The following ZFPM1 variants were observed in gnomAD, a reference collection of about 807,000 sequenced individuals.
ZFPM1 encodes the protein zinc finger protein ZFPM1.
In ZFPM1, 28 loss-of-function variants were observed where a neutral mutation model predicts 46.3. The observed-to-expected ratio is 0.60, with a 90% CI of 0.45 to 0.83. The LOEUF (loss-of-function observed/expected upper bound fraction) is 0.83. ZFPM1 is among the 40% of genes least tolerant of loss of function. The probability of loss-of-function intolerance (pLI) is 0.00; values close to 1 mark genes in which losing one functional copy is unlikely to be tolerated. For missense variants in ZFPM1, 1,878 were observed against 1,432.4 expected, an observed-to-expected ratio of 1.31 and a Z score of -5.02; for synonymous variants, 957 against 675.9, an observed-to-expected ratio of 1.42 and a Z score of -6.45.
rs182556356 is a variant in ZFPM1 at position 88,511,182 on chromosome 16, G to A, written c.269-3205G>A. ...GCCCGCCCTCAGAGCTGTCGGTGCC[G>A]GTGGGGGTGTCTGGCCACTGCCTGT... On this transcript the variant is annotated intron_variant, in intron 3 of 9. Transcript: ENST00000319555. Among the ~76,000 whole-genome samples, 1,083 of 152,278 alleles carry A rather than the reference G, an allele frequency of 7.1e-3. 13 individuals are homozygous for A. Among genetic ancestry groups the A allele is most frequent in the African/African-American group, 0.025 (1,041 of 41,550 alleles).
chr16:88,493,563 AGAGCTGTCCCGGGGTGTGGT>A, intron 3 of ZFPM1, among the ~76,000 whole-genome samples: 1 of 88,536 alleles, frequency 1.1e-5, no homozygotes, highest in East Asian at 3.6e-4. Flanking sequence ...CGGGGTGGGG[AGAGCTGTCCCGGGGTGTGGT>A]GAGCTGTCCC....
chr16:88,500,948 G>T (rs1284633935), intron 3 of ZFPM1, among the ~76,000 whole-genome samples: 2 of 152,250 alleles, frequency 1.3e-5, no homozygotes, highest in Non-Finnish European at 2.9e-5. Context: ...TGGGGGTGCA[G>T]CCTTGGCTGG....
In ZFPM1 at chr16:88,471,371, C is replaced by G. The variant is rs1016919534; in HGVS notation, c.41-14568C>G. 2.6e-4 allele frequency among the ~76,000 whole-genome samples: 40 copies of G among 152,162 alleles called. No individual in the cohort carries two copies. The highest frequency in any genetic ancestry group is 2.0e-4 in the Admixed American group (3 of 15,290). The stretch of plus-strand genomic sequence containing the variant: ...TCCGTGGCGGCTCCCGCTCACAGTT[C>G]AGGACCCCGAGATGACCGTGCCCAC... On this transcript the variant is annotated intron_variant, in intron 1 of 9. Coordinates refer to ENST00000319555, the MANE Select transcript of ZFPM1 (RefSeq NM_153813.3). The surrounding 1 kb of genome is among the most constrained non-coding windows in gnomAD (Gnocchi z 4.1).
chr16:88,495,557 G>T (rs1017611987), intron 3 of ZFPM1, among the ~76,000 whole-genome samples: 4 of 152,254 alleles, frequency 2.6e-5, no homozygotes, highest in African/African-American at 9.6e-5. Flanking sequence ...GCCTGTGTCT[G>T]TCTGGGAGGC....
At chr16:88,516,517 C>T in intron 4 of ZFPM1, 1 of 398,668 alleles carries the variant, frequency 2.5e-6, no homozygotes, top group Admixed American at 4.4e-5. Context: ...TCTGCTTTAT[C>T]TCCTGCAGAA....
chr16:88,510,507 G>A (rs945303370), intron 3 of ZFPM1, among the ~76,000 whole-genome samples: 5 of 152,252 alleles, frequency 3.3e-5, no homozygotes, highest in African/African-American at 1.2e-4. Flanking sequence ...GCAGATGCCT[G>A]GGGGTGAAAT....
In ZFPM1 at chr16:88,533,738, G is replaced by T; in HGVS notation, c.1780G>T (p.Val594Leu). ...ITFSNVNNYY[V>L]HKRLYCSGRR... ...CTTCAGCAACGTCAACAACTACTAC[G>T]TGCACAAGCGCCTCTACTGTTCAGG... The change falls in exon 10 of 10, where the codon GTG becomes TTG. Residue 594 changes from valine to leucine, a missense_variant. Physicochemically the swap from Val to Leu is conservative, Grantham distance 32. Transcript: ENST00000319555. 6.6e-7 allele frequency: 1 copy of T among 1,504,176 alleles called. No homozygotes were observed. Among genetic ancestry groups the T allele is most frequent in the East Asian group, 2.9e-5 (1 of 34,534 alleles). 93.2% of individuals were successfully genotyped at this position (1,504,176 alleles called of 1,614,324 possible). A position where few individuals can be genotyped will look rare whatever the true frequency, so the allele number is the denominator to read the frequency against.
chr16:88,468,382 T>C (rs1049534458), intron 1 of ZFPM1, among the ~76,000 whole-genome samples: 2 of 152,084 alleles, frequency 1.3e-5, no homozygotes, highest in African/African-American at 4.8e-5. Flanking sequence ...TAGCCCTCCC[T>C]GAAACAAGGC....
chr16:88,460,953 C>CAGGAGGCCCTGGTGAGGACCAA (rs1567525419), intron 1 of ZFPM1, among the ~76,000 whole-genome samples: 140 of 11,626 alleles, frequency 0.012, 11 homozygotes, highest in African/African-American at 0.033. Flanking sequence ...GACCGAGGGG[C>CAGGAGGCCCTGGTGAGGACCAA]GGGGCGGGAG....
chr16:88,462,400 T>C (rs2142343606), intron 1 of ZFPM1, among the ~76,000 whole-genome samples: 1 of 152,340 alleles, frequency 6.6e-6, no homozygotes, highest in Non-Finnish European at 1.5e-5. Flanking sequence ...CCACTTAGCT[T>C]TGGGTTCTCC....
intron 3 of ZFPM1, among the ~76,000 whole-genome samples, chr16:88,505,345 C>G (rs922171515): frequency 2.0e-5 from 3 of 152,214 alleles, no homozygotes; most frequent in African/African-American, 7.2e-5. Context: ...CTGGCTGGGT[C>G]TTCTCCCAGG....
intron 1 of ZFPM1, among the ~76,000 whole-genome samples, chr16:88,474,148 C>G (rs1157749617): frequency 6.6e-6 from 1 of 152,218 alleles, no homozygotes; most frequent in African/African-American, 2.4e-5. Context: ...TCTCCCCTAT[C>G]AGCCGGGCTG....
intron 4 of ZFPM1, among the ~76,000 whole-genome samples, chr16:88,523,302 T>C (rs1405000520): frequency 6.6e-6 from 1 of 152,082 alleles, no homozygotes; most frequent in African/African-American, 2.4e-5. Context: ...GAGAAAGGGC[T>C]TCTGTTCCAG....
At chr16:88,527,916 G>A (rs1045334828) in intron 5 of ZFPM1, 116 bp from the exon 6 acceptor site, 22 of 1,091,498 alleles carry the variant, frequency 2.0e-5, no homozygotes, top group Non-Finnish European at 2.4e-5. Context: ...CAGCCAGCCA[G>A]CCATGGCTGT....
chr16:88,463,365 G>A (rs1468109857), intron 1 of ZFPM1, among the ~76,000 whole-genome samples: 2 of 152,218 alleles, frequency 1.3e-5, no homozygotes, highest in South Asian at 2.1e-4. Flanking sequence ...CCCTCGTGAT[G>A]GGAGGGGAAG....
At chr16:88,523,220 A>AC (rs1295090992) in intron 4 of ZFPM1, among the ~76,000 whole-genome samples, 1 of 151,794 alleles carries the variant, frequency 6.6e-6, no homozygotes, top group Non-Finnish European at 1.5e-5. Context: ...AAAAAAAAAA[A>AC]AATAGGCCCC....
At position 88,469,929 on chromosome 16, in the gene ZFPM1, C is replaced by T. The variant is rs1345807791; in HGVS notation, c.41-16010C>T. 6.6e-6 allele frequency among the ~76,000 whole-genome samples: 1 copy of T among 152,086 alleles called. No homozygotes were observed. The highest frequency in any genetic ancestry group is 2.4e-5 in the African/African-American group (1 of 41,418). ...CAGCCCAGAGGATCTCCCCACGCAGCCCTCCCAGTCTGCAGAGGGGTCTCC... is the reference window on the plus strand; with the variant it reads ...CAGCCCAGAGGATCTCCCCACGCAGTCCTCCCAGTCTGCAGAGGGGTCTCC... On this transcript the variant is annotated intron_variant, in intron 1 of 9. Coordinates refer to ENST00000319555, the MANE Select transcript of ZFPM1 (RefSeq NM_153813.3). This position sits in a 1 kb window ranked among gnomAD's most constrained non-coding sequence, Gnocchi z 4.3.
At chr16:88,518,737 G>GTGGA (rs56367074) in intron 4 of ZFPM1, among the ~76,000 whole-genome samples, 8,670 of 126,104 alleles carry the variant, frequency 0.069, 491 homozygotes, top group African/African-American at 0.15. Context: ...GGCTGAGAGG[G>GTGGA]TGGATGGATG....
At chr16:88,485,326 G>A (rs569469151) in intron 1 of ZFPM1, among the ~76,000 whole-genome samples, 36 of 152,190 alleles carry the variant, frequency 2.4e-4, no homozygotes, top group Non-Finnish European at 4.1e-4. Flanking sequence ...TGGCAAGAGT[G>A]GAATCCGTGG....
Sources: gnomAD v4.1 joint callset for allele counts (sites outside exome capture counted in the v4.1 genomes callset) on GRCh38, gnomAD v4.1.1 for gene constraint, Gnocchi (gnomAD v3.1) non-coding constraint, MANE v1.5 for transcripts, NCBI Gene and HGNC (gene_info 2026-07-23, HGNC 2026-07-21) for gene names.